The following COLEC10 variants were observed in gnomAD, a reference collection of about 807,000 sequenced individuals.
The protein encoded by COLEC10 is collectin-10.
COLEC10 carries 22 observed loss-of-function variants against 28.4 expected under a neutral mutation model. That is an observed-to-expected ratio of 0.78 (90% CI 0.55 to 1.11). The LOEUF (loss-of-function observed/expected upper bound fraction) is 1.11, where lower values mean the gene tolerates loss of function less well. COLEC10 is among the 50% of genes least tolerant of loss of function. The pLI is 0.00. For missense variants in COLEC10, 361 were observed against 344.1 expected, an observed-to-expected ratio of 1.05 and a Z score of -0.39; for synonymous variants, 125 against 116.1, an observed-to-expected ratio of 1.08 and a Z score of -0.49.
chr8:119,098,707 C>T (rs911778342), intron 3 of COLEC10, among the ~76,000 whole-genome samples: 1 of 152,096 alleles, frequency 6.6e-6, no homozygotes, highest in African/African-American at 2.4e-5. Flanking sequence ...TTTCTCTTTA[C>T]TACTCCATAT....
chr8:119,091,175 G>A lies in COLEC10; in HGVS notation c.247G>A (p.Gly83Arg). Residue 83 changes from glycine (G) to arginine (R), a missense_variant, in exon 3 of 6, where the codon GGA becomes AGA. Transcript: ENST00000332843. ...AATTAAAGGAGAACTGGGTGATATGGGAGATCAGGGCAATATTGGCAAGAC... is the reference window on the plus strand; with the variant it reads ...AATTAAAGGAGAACTGGGTGATATGAGAGATCAGGGCAATATTGGCAAGAC... ...KGIKGELGDM[G>R]DQGNIGKTGP... is the part of the protein sequence containing the mutation. 1 of 1,612,992 alleles carries A rather than the reference G, an allele frequency of 6.2e-7. No individual in the cohort carries two copies. Among genetic ancestry groups the A allele is most frequent in the Non-Finnish European group, 8.5e-7 (1 of 1,179,378 alleles).
chr8:119,056,676 C>T (rs1007116229), intron 2 of COLEC10, among the ~76,000 whole-genome samples: 10 of 152,136 alleles, frequency 6.6e-5, no homozygotes, highest in Non-Finnish European at 1.2e-4. Flanking sequence ...CAGTAAGCCA[C>T]TGTTACTGGG....
At chr8:119,012,919 T>C (rs1332739138) in intron 2 of COLEC10, among the ~76,000 whole-genome samples, 2 of 150,448 alleles carry the variant, frequency 1.3e-5, no homozygotes, top group East Asian at 3.9e-4. Context: ...GTCTCAACTT[T>C]TGGTTGTGAT....
At chr8:119,091,591 G>C (rs199791969) in intron 3 of COLEC10, among the ~76,000 whole-genome samples, 1 of 90,654 alleles carries the variant, frequency 1.1e-5, no homozygotes, top group African/African-American at 4.0e-5. Flanking sequence ...GAGAGAGAGA[G>C]AGAGAGAAAG....
chr8:119,069,489 C>A (rs1175622485), intron 1 of COLEC10, among the ~76,000 whole-genome samples: 1 of 147,994 alleles, frequency 6.8e-6, no homozygotes, highest in African/African-American at 2.5e-5. Context: ...CACCTGTAGT[C>A]CCAGTTACTT....
chr8:118,977,590 T>G, the COLEC10 span, among the ~76,000 whole-genome samples: 121 of 115,122 alleles, frequency 1.1e-3, no homozygotes, highest in Admixed American at 1.8e-3. Context: ...TCACACTCTG[T>G]GGACTGTTGT....
intron 1 of COLEC10, among the ~76,000 whole-genome samples, chr8:119,084,492 C>T (rs997130233): frequency 3.9e-5 from 6 of 152,182 alleles, no homozygotes; most frequent in Non-Finnish European, 5.9e-5. Context: ...TTTCAAAGGA[C>T]TTAGGCTTAC....
the COLEC10 span, among the ~76,000 whole-genome samples, chr8:118,988,152 T>C: frequency 6.6e-6 from 1 of 152,114 alleles, no homozygotes; most frequent in Non-Finnish European, 1.5e-5. Context: ...AGGCTGACTG[T>C]GAACTAGCAT....
the COLEC10 span, among the ~76,000 whole-genome samples, chr8:118,986,228 G>A: frequency 2.0e-5 from 3 of 152,098 alleles, no homozygotes; most frequent in Non-Finnish European, 4.4e-5. Context: ...TAAAGATATG[G>A]AGCAATATTA....
At chr8:119,018,054 T>A (rs1814025868) in intron 2 of COLEC10, among the ~76,000 whole-genome samples, 1 of 152,206 alleles carries the variant, frequency 6.6e-6, no homozygotes, top group Non-Finnish European at 1.5e-5. Flanking sequence ...AAAAGATTTC[T>A]AAAGTTGCTC....
chr8:119,076,808 C>A (rs1385185332), intron 1 of COLEC10, among the ~76,000 whole-genome samples: 1 of 152,156 alleles, frequency 6.6e-6, no homozygotes, highest in Non-Finnish European at 1.5e-5. Flanking sequence ...TCTCATCAGA[C>A]CACATACTGG....
intron 2 of COLEC10, among the ~76,000 whole-genome samples, chr8:119,052,618 A>AT (rs1396199898): frequency 1.3e-5 from 2 of 152,152 alleles, no homozygotes; most frequent in Non-Finnish European, 2.9e-5. Context: ...AGATCCTCAG[A>AT]TAAAAATAAT....
In COLEC10 at chr8:119,108,309, T is replaced by G. The variant is rs1815993970; in HGVS notation, c.*2118T>G. On this transcript the variant is annotated 3_prime_UTR_variant, in exon 6 of 6. Transcript: ENST00000332843. ...TGTAAGAAGAGAGGAAGGAGAGACATGCAGCAAATGTTGCCTACGGGCAAC... is the reference window on the plus strand; with the variant it reads ...TGTAAGAAGAGAGGAAGGAGAGACAGGCAGCAAATGTTGCCTACGGGCAAC... 6.6e-6 allele frequency among the ~76,000 whole-genome samples: 1 copy of G among 152,136 alleles called. No individual in the cohort carries two copies. The highest frequency in any genetic ancestry group is 1.5e-5 in the Non-Finnish European group (1 of 68,012).
intron 5 of COLEC10, among the ~76,000 whole-genome samples, chr8:119,105,327 C>T (rs1027608190): frequency 1.3e-4 from 19 of 151,988 alleles, no homozygotes; most frequent in Admixed American, 4.6e-4. Flanking sequence ...CCATGTCTAT[C>T]CAAGGGCATT....
At chr8:118,968,784 C>T in the COLEC10 span, among the ~76,000 whole-genome samples, 12 of 151,818 alleles carry the variant, frequency 7.9e-5, no homozygotes, top group Non-Finnish European at 1.0e-4. Context: ...CCCCCTACCC[C>T]CAACAGGCCC....
At chr8:119,023,447 A>G (rs1427991148) in intron 2 of COLEC10, among the ~76,000 whole-genome samples, 1 of 152,158 alleles carries the variant, frequency 6.6e-6, no homozygotes, top group South Asian at 2.1e-4. Flanking sequence ...TACTTTTAAT[A>G]TGGAAAAAAA....
intron 2 of COLEC10, among the ~76,000 whole-genome samples, chr8:119,042,970 A>G (rs918902374): frequency 6.6e-6 from 1 of 151,904 alleles, no homozygotes. Context: ...ACAGAAGGAG[A>G]AAAAAAACCA....
chr8:118,998,935 A>T (rs891503226), intron 1 of COLEC10, among the ~76,000 whole-genome samples: 1 of 151,638 alleles, frequency 6.6e-6, no homozygotes, highest in African/African-American at 2.4e-5. Context: ...TACAACTAAG[A>T]TTTTTACTGT....
the COLEC10 span, among the ~76,000 whole-genome samples, chr8:118,974,389 C>T: frequency 6.6e-6 from 1 of 151,872 alleles, no homozygotes; most frequent in Non-Finnish European, 1.5e-5. Context: ...AATAATTATA[C>T]TGTAATCATT....
Sources: allele counts gnomAD v4.1 joint callset (sites outside exome capture counted in the v4.1 genomes callset), GRCh38; gene constraint gnomAD v4.1.1; transcripts MANE v1.5; gene names NCBI Gene and HGNC (gene_info 2026-07-23, HGNC 2026-07-21).